The following OR10H3 variants were observed in gnomAD, a reference collection of about 807,000 sequenced individuals.
The protein encoded by OR10H3 is olfactory receptor 10H3.
Under a neutral mutation model 11.1 loss-of-function variants are expected in OR10H3, and 15 were observed. That is an observed-to-expected ratio of 1.36 (90% CI 0.91 to 2.09). The LOEUF is 2.09. Among genes scored for constraint, OR10H3 ranks in the 30% most tolerant of loss-of-function variants. OR10H3 has a pLI of 0.00. For synonymous variants in OR10H3, 149 were observed against 142.1 expected (o/e 1.05, Z -0.35); for missense variants, 403 against 391.5 (o/e 1.03, Z -0.25).
In OR10H3 at chr19:15,740,857, T is replaced by C. The variant is rs907161625; in HGVS notation, c.-11-525T>C. Reference sequence around the variant, plus strand: ...TCAGACATATATTTACCCATCCTTTTATTTTTGAATTTTCTATTCAGATTT... The same window carrying C: ...TCAGACATATATTTACCCATCCTTTCATTTTTGAATTTTCTATTCAGATTT... On this transcript the variant is annotated intron_variant, in intron 1 of 1. Coordinates refer to ENST00000641646, the MANE Select transcript of OR10H3 (RefSeq NM_013938.2). 3.3e-5 allele frequency among the ~76,000 whole-genome samples: 5 copies of C among 152,242 alleles called. No individual in the cohort carries two copies. In the East Asian group the frequency reaches 7.7e-4, roughly 23 times the overall value.
rs149133792 is a variant in OR10H3 at position 15,741,784 on chromosome 19, T to A, written c.392T>A (p.Leu131Gln). The A allele has an allele frequency of 1.0e-3, 1,640 of 1,614,212 alleles. 22 individuals are homozygous for A. In the African/African-American group the frequency reaches 0.02, roughly 19 times the overall value. The change falls in exon 2 of 2, where the codon CTG becomes CAG. Residue 131 changes from leucine (L) to glutamine (Q), a missense_variant. Physicochemically the swap from Leu to Gln is moderately radical, Grantham distance 113. Transcript: ENST00000641646. Reference sequence around the variant, plus strand: ...CACTACGTGACCATCTGCCACCCACTGCATTACAACATGCTAATGAGTCCC... The same window carrying A: ...CACTACGTGACCATCTGCCACCCACAGCATTACAACATGCTAATGAGTCCC... The part of the protein sequence containing the change: ...YDHYVTICHP[L>Q]HYNMLMSPRG...
At chr19:15,739,056 T>C in intron 1 of OR10H3, among the ~76,000 whole-genome samples, 1 of 152,162 alleles carries the variant, frequency 6.6e-6, no homozygotes, top group East Asian at 1.9e-4. Flanking sequence ...TAATTCTAAA[T>C]ATTCCTCCAT....
Position 15,741,544 on chromosome 19 carries a change from G to A in OR10H3, c.152G>A (p.Trp51Ter), listed in dbSNP as rs1289708114. 6.2e-7 allele frequency: 1 copy of A among 1,614,130 alleles called. No individual in the cohort carries two copies. Among genetic ancestry groups the A allele is most frequent in the East Asian group, 2.2e-5 (1 of 44,888 alleles). The change falls in exon 2 of 2, where the codon TGG becomes TAG. Residue 51 changes from tryptophan to a stop codon, truncating the protein, a stop_gained. Transcript: ENST00000641646. LOFTEE classifies it high-confidence loss of function. Reference sequence around the variant, plus strand: ...AACCTTCTTATCATGGCCACAGTTTGGATTGAACGCAGACTCCACACACCC... The same window carrying A: ...AACCTTCTTATCATGGCCACAGTTTAGATTGAACGCAGACTCCACACACCC... Reference protein sequence around the residue: ...LGNLLIMATVWIERRLHTPMY... With the variant: ...LGNLLIMATV
intron 1 of OR10H3, among the ~76,000 whole-genome samples, chr19:15,741,038 C>G (rs541251136): frequency 6.6e-6 from 1 of 152,196 alleles, no homozygotes; most frequent in African/African-American, 2.4e-5. Context: ...TAAATGTTTT[C>G]TAGAACTGGC....
chr19:15,740,157 G>A (rs1054117108), intron 1 of OR10H3, among the ~76,000 whole-genome samples: 2 of 151,942 alleles, frequency 1.3e-5, no homozygotes, highest in Non-Finnish European at 2.9e-5. Flanking sequence ...CAGCTATTTA[G>A]GAGACTGAGA....
chr19:15,740,091 C>CA (rs11375276), intron 1 of OR10H3, among the ~76,000 whole-genome samples: 87,007 of 124,462 alleles, frequency 0.7, 28,871 homozygotes, highest in East Asian at 0.78. Flanking sequence ...CCTGTCTCTA[C>CA]AAAAAAAAAA....
At chr19:15,739,675 A>T (rs976760327) in intron 1 of OR10H3, among the ~76,000 whole-genome samples, 2 of 152,078 alleles carry the variant, frequency 1.3e-5, no homozygotes, top group African/African-American at 4.8e-5. Context: ...TGGGTGACAG[A>T]GCAAGACTCC....
rs753078982 is a variant in OR10H3, at chr19:15,742,138, T to C, written c.746T>C (p.Val249Ala). 1 of 1,614,202 alleles carries C rather than the reference T, an allele frequency of 6.2e-7. No individual in the cohort carries two copies. The highest frequency in any genetic ancestry group is 1.1e-5 in the South Asian group (1 of 91,084). The part of the protein sequence containing the change: ...TFSTCVSHLT[V>A]VVMHYSFASL... ...TCCACTTGTGTATCCCACCTCACTG[T>C]GGTGGTCATGCACTATAGTTTTGCC... The change falls in exon 2 of 2, where the codon GTG (valine) becomes GCG (alanine). Residue 249 changes from valine to alanine, a missense_variant. Val to Ala is a moderately conservative substitution (Grantham distance 64, BLOSUM62 0). Coordinates refer to ENST00000641646, the MANE Select transcript of OR10H3 (RefSeq NM_013938.2).
chr19:15,741,993 G>A lies in OR10H3; in HGVS notation c.601G>A (p.Val201Met). The A allele has an allele frequency of 6.2e-7, 1 of 1,614,176 alleles. No homozygotes were observed. Among genetic ancestry groups the A allele is most frequent in the Non-Finnish European group, 8.5e-7 (1 of 1,180,028 alleles). The change falls in exon 2 of 2, where the codon GTG becomes ATG. Residue 201 changes from valine (V) to methionine (M), a missense_variant. By Grantham distance (21) the Val-to-Met change is conservative. Coordinates refer to ENST00000641646, the MANE Select transcript of OR10H3 (RefSeq NM_013938.2). ...GSKTSSVIMG[V>M]MLVCVTALIG... Reference sequence around the variant, plus strand: ...CAAGACATCATCTGTCATCATGGGTGTGATGCTGGTGTGTGTCACAGCCCT... The same window carrying A: ...CAAGACATCATCTGTCATCATGGGTATGATGCTGGTGTGTGTCACAGCCCT...
chr19:15,738,581 AC>A (rs1471466967), intron 1 of OR10H3, among the ~76,000 whole-genome samples: 1 of 140,056 alleles, frequency 7.1e-6, no homozygotes, highest in Non-Finnish European at 1.6e-5. Context: ...ATTCTAACCA[AC>A]TGTTTTTTTT....
chr19:15,739,871 G>A (rs1353840546), intron 1 of OR10H3, among the ~76,000 whole-genome samples: 1 of 152,060 alleles, frequency 6.6e-6, no homozygotes, highest in African/African-American at 2.4e-5. Flanking sequence ...TAGTGTGTGT[G>A]CATGTGTGTG....
chr19:15,739,599 G>A (rs963269542), intron 1 of OR10H3, among the ~76,000 whole-genome samples: 1 of 152,240 alleles, frequency 6.6e-6, no homozygotes. Flanking sequence ...GCTGAGGCAG[G>A]AGAATCAGTT....
chr19:15,741,746 C>T lies in OR10H3; in HGVS notation c.354C>T (p.Val118=). Residue 118 remains valine (V), a synonymous_variant, in exon 2 of 2, where the codon GTC becomes GTT. Coordinates refer to ENST00000641646, the MANE Select transcript of OR10H3 (RefSeq NM_013938.2). ...TCACTCACTCCTTCCTTCTCATGGT[C>T]ATGGGCTATGATCACTACGTGACCA... is the stretch of plus-strand genomic sequence containing the variant. ...FGFTHSFLLM[V]MGYDHYVTIC... 6.2e-7 allele frequency: 1 copy of T among 1,614,160 alleles called. No individual in the cohort carries two copies. Among genetic ancestry groups the T allele is most frequent in the Non-Finnish European group, 8.5e-7 (1 of 1,180,036 alleles).
At position 15,741,630 on chromosome 19, in the gene OR10H3, C is replaced by T; in HGVS notation, c.238C>T (p.Pro80Ser). 6.2e-7 allele frequency: 1 copy of T among 1,614,228 alleles called. No homozygotes were observed. The highest frequency in any genetic ancestry group is 8.5e-7 in the Non-Finnish European group (1 of 1,180,042). ...SEILFTVAIT[P>S]RMLADLLFTH... The stretch of plus-strand genomic sequence containing the variant: ...GATTCTGTTCACTGTTGCCATCACC[C>T]CTCGCATGCTGGCTGATCTGCTCTT... Residue 80 changes from proline (P) to serine (S), a missense_variant, in exon 2 of 2, where the codon CCT (proline) becomes TCT (serine). Physicochemically the swap from Pro to Ser is moderately conservative, Grantham distance 74 (BLOSUM62 -1). Transcript: ENST00000641646.
rs192129966 is a variant in OR10H3 at position 15,741,899 on chromosome 19, C to T, written c.507C>T (p.Phe169=). 3.7e-5 allele frequency: 60 copies of T among 1,614,226 alleles called. No individual in the cohort carries two copies. The East Asian group carries it at 1.3e-3, about 36-fold the overall frequency. Residue 169 remains phenylalanine (F), a synonymous_variant, in exon 2 of 2, where the codon TTC becomes TTT. Coordinates refer to ENST00000641646, the MANE Select transcript of OR10H3 (RefSeq NM_013938.2). ...MVTMMVFHLT[F]CGSNVIHHFL... is the part of the protein sequence containing the mutation. Reference sequence around the variant, plus strand: ...CAATGATGGTTTTTCACCTCACTTTCTGTGGGTCTAATGTGATCCACCATT... The same window carrying T: ...CAATGATGGTTTTTCACCTCACTTTTTGTGGGTCTAATGTGATCCACCATT...
chr19:15,741,619 T>C lies in OR10H3; in HGVS notation c.227T>C (p.Val76Ala), dbSNP rs768791405. 92 of 1,614,116 alleles carry C rather than the reference T, an allele frequency of 5.7e-5. No individual in the cohort carries two copies. The Middle Eastern group carries it at 1.5e-3, about 26-fold the overall frequency. Residue 76 changes from valine to alanine, a missense_variant, in exon 2 of 2, where the codon GTT becomes GCT. By Grantham distance (64) the Val-to-Ala change is moderately conservative. Coordinates refer to ENST00000641646, the MANE Select transcript of OR10H3 (RefSeq NM_013938.2). ...ALSISEILFT[V>A]AITPRMLADL... Reference sequence around the variant, plus strand: ...TCCATCTCTGAGATTCTGTTCACTGTTGCCATCACCCCTCGCATGCTGGCT... The same window carrying C: ...TCCATCTCTGAGATTCTGTTCACTGCTGCCATCACCCCTCGCATGCTGGCT...
chr19:15,741,461 G>C lies in OR10H3; in HGVS notation c.69G>C (p.Gln23His), dbSNP rs2008696276. ...CTGGCTTCTCAGCCTTCCCCCAGCAGCTCCTGCCTGTCTTGTTCCTGCTGT... is the reference window on the plus strand; with the variant it reads ...CTGGCTTCTCAGCCTTCCCCCAGCACCTCCTGCCTGTCTTGTTCCTGCTGT... ...ILSGFSAFPQ[Q>H]LLPVLFLLYL... is the part of the protein sequence containing the mutation. The change falls in exon 2 of 2, where the codon CAG becomes CAC. Residue 23 changes from glutamine (Q) to histidine (H), a missense_variant. Transcript: ENST00000641646. 2 of 1,614,034 alleles carry C rather than the reference G, an allele frequency of 1.2e-6. No homozygotes were observed. Among genetic ancestry groups the C allele is most frequent in the Non-Finnish European group, 1.7e-6 (2 of 1,180,048 alleles).
In OR10H3 at chr19:15,741,630, C is replaced by A. The variant is rs1227802992; in HGVS notation, c.238C>A (p.Pro80Thr). 6.2e-7 allele frequency: 1 copy of A among 1,614,228 alleles called. No homozygotes were observed. The highest frequency in any genetic ancestry group is 1.3e-5 in the African/African-American group (1 of 75,064). Reference protein sequence around the residue: ...SEILFTVAITPRMLADLLFTH... With the variant: ...SEILFTVAITTRMLADLLFTH... ...GATTCTGTTCACTGTTGCCATCACC[C>A]CTCGCATGCTGGCTGATCTGCTCTT... Residue 80 changes from proline to threonine, a missense_variant, in exon 2 of 2, where the codon CCT becomes ACT. Pro to Thr is a conservative substitution (Grantham distance 38, BLOSUM62 -1). Transcript: ENST00000641646.
rs531323677 is a variant in OR10H3, at chr19:15,740,458, T to C, written c.-11-924T>C. On this transcript the variant is annotated intron_variant, in intron 1 of 1. Transcript: ENST00000641646. The stretch of plus-strand genomic sequence containing the variant: ...CTCTCTTATCCTTTCAATATACCTC[T>C]ATCAGTGAAACCAGACCAATTGTTC... Among the ~76,000 whole-genome samples, 123 of 152,338 alleles carry C rather than the reference T, an allele frequency of 8.1e-4. 1 individual carries two copies. Among genetic ancestry groups the C allele is most frequent in the African/African-American group, 2.8e-3 (118 of 41,580 alleles).
Sources: allele counts gnomAD v4.1 joint callset (sites outside exome capture counted in the v4.1 genomes callset), GRCh38; gene constraint gnomAD v4.1.1; transcripts MANE v1.5; gene names NCBI Gene and HGNC (gene_info 2026-07-23, HGNC 2026-07-21).